ARHGEF28: variants seen among roughly 807,000 people sequenced by gnomAD.
ARHGEF28 encodes 190 kDa guanine nucleotide exchange factor.
A neutral mutation model predicts 206.6 loss-of-function variants in ARHGEF28; 152 were observed. The ratio of observed to expected loss-of-function variants is 0.74; its 90% CI spans 0.64 to 0.84. The LOEUF (loss-of-function observed/expected upper bound fraction) is 0.84, where lower values mean the gene tolerates loss of function less well. Among genes scored for constraint, ARHGEF28 ranks in the 40% least tolerant of loss-of-function variants. The pLI is 0.00. For synonymous variants in ARHGEF28, 763 were observed against 776.4 expected (o/e 0.98, Z 0.29); for missense variants, 2,028 against 2,073.2 (o/e 0.98, Z 0.42).
At chr5:73,875,561 T>A (rs1348149992) in intron 22 of ARHGEF28, among the ~76,000 whole-genome samples, 1 of 151,774 alleles carries the variant, frequency 6.6e-6, no homozygotes, top group South Asian at 2.1e-4. Flanking sequence ...AGGTCTAACA[T>A]GTAAGTCTTT....
intron 1 of ARHGEF28, among the ~76,000 whole-genome samples, chr5:73,637,375 T>C (rs1743790906): frequency 6.6e-6 from 1 of 152,192 alleles, no homozygotes; most frequent in African/African-American, 2.4e-5. Context: ...ACAATTTTTT[T>C]CCTCAAAAAG....
intron 1 of ARHGEF28, among the ~76,000 whole-genome samples, chr5:73,671,739 T>TA (rs1460435092): frequency 1.2e-4 from 1 of 8,190 alleles, no homozygotes; most frequent in Non-Finnish European, 2.0e-4. Flanking sequence ...TATATATATA[T>TA]TTTTTTTTTT....
intron 35 of ARHGEF28, among the ~76,000 whole-genome samples, chr5:73,912,004 C>T (rs184189182): frequency 8.6e-5 from 13 of 151,578 alleles, no homozygotes; most frequent in Admixed American, 8.5e-4. Context: ...TTTCCTGTAA[C>T]GTTAGTGAAA....
intron 3 of ARHGEF28, among the ~76,000 whole-genome samples, chr5:73,752,643 G>A (rs1473950617): frequency 6.6e-6 from 1 of 152,148 alleles, no homozygotes; most frequent in Non-Finnish European, 1.5e-5. Context: ...GCAGTGTTTG[G>A]TAACGATAGG....
At chr5:73,648,610 A>G (rs1744593450) in intron 1 of ARHGEF28, among the ~76,000 whole-genome samples, 1 of 152,234 alleles carries the variant, frequency 6.6e-6, no homozygotes, top group Admixed American at 6.5e-5. Context: ...GGTAAATTCT[A>G]GAAGTTACAG....
chr5:73,708,994 G>C (rs1259019691), intron 2 of ARHGEF28, among the ~76,000 whole-genome samples: 1 of 152,038 alleles, frequency 6.6e-6, no homozygotes, highest in African/African-American at 2.4e-5. Flanking sequence ...GTCTTCTTTT[G>C]AGAAGTGTCT....
At chr5:73,829,735 G>T (rs1323611635) in intron 9 of ARHGEF28, among the ~76,000 whole-genome samples, 2 of 151,964 alleles carry the variant, frequency 1.3e-5, no homozygotes, top group African/African-American at 4.8e-5. Context: ...GTGGGGATAA[G>T]ATTTTTCTTA....
intron 25 of ARHGEF28, among the ~76,000 whole-genome samples, chr5:73,887,070 G>T (rs1272892675): frequency 6.6e-6 from 1 of 152,210 alleles, no homozygotes; most frequent in Non-Finnish European, 1.5e-5. Context: ...ACAACCTGTA[G>T]ATTCTATTGC....
At chr5:73,652,669 T>A (rs1056684873) in intron 1 of ARHGEF28, among the ~76,000 whole-genome samples, 5 of 152,206 alleles carry the variant, frequency 3.3e-5, no homozygotes, top group Admixed American at 1.3e-4. Flanking sequence ...TCCGAAAAGG[T>A]CATTTATAAG....
At chr5:73,811,869 A>G (rs1755856766) in intron 9 of ARHGEF28, among the ~76,000 whole-genome samples, 1 of 151,756 alleles carries the variant, frequency 6.6e-6, no homozygotes, top group Admixed American at 6.6e-5. Context: ...TGTAGACGCA[A>G]CTACTCAGGA....
At chr5:73,884,779 TC>T (rs1338350543) in intron 24 of ARHGEF28, among the ~76,000 whole-genome samples, 5 of 81,318 alleles carry the variant, frequency 6.1e-5, no homozygotes, top group Non-Finnish European at 1.1e-4. Context: ...TCACCAAATA[TC>T]AATGCTGCTC....
chr5:73,638,781 C>T (rs746121249), intron 1 of ARHGEF28, among the ~76,000 whole-genome samples: 1 of 152,264 alleles, frequency 6.6e-6, no homozygotes, highest in East Asian at 1.9e-4. Flanking sequence ...AAATACTAAT[C>T]GAATGAATCA....
At chr5:73,933,112 T>G (rs1281689212) in intron 35 of ARHGEF28, among the ~76,000 whole-genome samples, 2 of 152,168 alleles carry the variant, frequency 1.3e-5, no homozygotes, top group Non-Finnish European at 2.9e-5. Context: ...GCCCGGCCTA[T>G]TTCCTATTTC....
intron 16 of ARHGEF28, among the ~76,000 whole-genome samples, chr5:73,861,190 G>A (rs770461961): frequency 2.0e-5 from 3 of 151,778 alleles, no homozygotes; most frequent in Non-Finnish European, 2.9e-5. Flanking sequence ...CAGAGCTGGC[G>A]ACCAGTAAAG....
At chr5:73,840,898 A>G (rs1483567278) in intron 11 of ARHGEF28, 138 bp downstream of exon 11, 12 of 941,084 alleles carry the variant, frequency 1.3e-5, no homozygotes, top group South Asian at 3.6e-5. Context: ...TTAGGTTCCT[A>G]TATTCACTGA....
chr5:73,698,204 A>AGG (rs1477697730), intron 2 of ARHGEF28, among the ~76,000 whole-genome samples: 1 of 152,204 alleles, frequency 6.6e-6, no homozygotes, highest in Non-Finnish European at 1.5e-5. Context: ...CCCAACAGGA[A>AGG]GGAGAGTGTG....
chr5:73,878,492 G>A lies in ARHGEF28; in HGVS notation c.2815-3980G>A, dbSNP rs139845456. Among the ~76,000 whole-genome samples, 867 of 151,782 alleles carry A rather than the reference G, an allele frequency of 5.7e-3. 9 individuals carry two copies. The highest frequency in any genetic ancestry group is 0.02 in the African/African-American group (816 of 41,400). On this transcript the variant is annotated intron_variant, in intron 22 of 35. Coordinates refer to ENST00000513042, the MANE Select transcript of ARHGEF28 (RefSeq NM_001177693.2). ...ATGATGTTAGCTGGTTATTTGCCTC[G>A]TTAGTTGATGCAGTCTCTTCCTAGT...
At chr5:73,675,392 A>G (rs1375347424) in intron 1 of ARHGEF28, among the ~76,000 whole-genome samples, 2 of 152,174 alleles carry the variant, frequency 1.3e-5, no homozygotes, top group Non-Finnish European at 2.9e-5. Context: ...GCAGTGGTGG[A>G]AAAAAGACTT....
At chr5:73,825,551 T>G (rs1295308835) in intron 9 of ARHGEF28, among the ~76,000 whole-genome samples, 1 of 152,134 alleles carries the variant, frequency 6.6e-6, no homozygotes, top group African/African-American at 2.4e-5. Context: ...TGGAGAACGT[T>G]GCAGAGGCAT....
Sources: gnomAD v4.1 joint callset for allele counts (sites outside exome capture counted in the v4.1 genomes callset) on GRCh38, gnomAD v4.1.1 for gene constraint, MANE v1.5 for transcripts, NCBI Gene and HGNC (gene_info 2026-07-23, HGNC 2026-07-21) for gene names.